Variants in MYO5B observed in about 807,000 individuals in gnomAD.
MYO5B encodes the protein myosin VB, also known as unconventional myosin-Vb.
Under a neutral mutation model 229.3 loss-of-function variants are expected in MYO5B, and 143 were observed. The ratio of observed to expected loss-of-function variants is 0.62; its 90% CI spans 0.54 to 0.72. The LOEUF (loss-of-function observed/expected upper bound fraction) is 0.72, where lower values mean the gene tolerates loss of function less well. MYO5B is among the 30% of genes least tolerant of loss of function. MYO5B has a pLI of 0.00. For missense variants in MYO5B, 2,321 were observed against 2,331.0 expected (o/e 1.00, Z 0.09); for synonymous variants, 918 against 885.2 (o/e 1.04, Z -0.66).
At chr18:50,096,573 G>A (rs1235424049) in intron 1 of MYO5B, among the ~76,000 whole-genome samples, 1 of 152,096 alleles carries the variant, frequency 6.6e-6, no homozygotes, top group Non-Finnish European at 1.5e-5. Context: ...TTCTTAGTCT[G>A]TATTGAAAGC....
rs543417892 is a variant in MYO5B, at chr18:50,016,884, C to T, written c.456-15473G>A. On this transcript the variant is annotated intron_variant, in intron 4 of 39. Coordinates refer to ENST00000285039, the MANE Select transcript of MYO5B (RefSeq NM_001080467.3). ...CCCTATACCAAATCTGTCCTTCTTC[C>T]TATGCTACCCCATCCCTAACTAACC... is the stretch of plus-strand genomic sequence containing the variant. Among the ~76,000 whole-genome samples, 4 of 151,702 alleles carry T rather than the reference C, an allele frequency of 2.6e-5. No individual in the cohort carries two copies. In the South Asian group the frequency reaches 8.4e-4, roughly 32 times the overall value.
chr18:50,052,762 T>TATGA (rs1355943309), intron 2 of MYO5B, among the ~76,000 whole-genome samples: 26 of 151,286 alleles, frequency 1.7e-4, no homozygotes, highest in African/African-American at 5.8e-4. Context: ...CCACAATAGA[T>TATGA]ATGAATGAAT....
At chr18:50,125,505 C>T (rs1616331) in intron 1 of MYO5B, among the ~76,000 whole-genome samples, 124,137 of 151,532 alleles carry the variant, frequency 0.82, 51,154 homozygotes, top group Admixed American at 0.87. Flanking sequence ...ATGTAACCTA[C>T]AACTTAAAGT....
chr18:49,963,026 C>G lies in MYO5B; in HGVS notation c.1327G>C (p.Glu443Gln). 1 of 1,613,494 alleles carries G rather than the reference C, an allele frequency of 6.2e-7. No individual in the cohort carries two copies. The highest frequency in any genetic ancestry group is 8.5e-7 in the Non-Finnish European group (1 of 1,179,452). ...TCAAAGCTGTTTACCTCAAATGTCT[C>G]AAACCTACAGAATGGAAAGAGAAGA... ...FIGVLDIYGF[E>Q]TFEVNSFEQF... The change falls in exon 11 of 40, where the codon GAG becomes CAG. Residue 443 changes from glutamate to glutamine, a missense_variant. Glu to Gln is a conservative substitution (Grantham distance 29, BLOSUM62 2). Coordinates refer to ENST00000285039, the MANE Select transcript of MYO5B (RefSeq NM_001080467.3).
chr18:50,115,903 ACTT>A (rs2031954337), intron 1 of MYO5B, among the ~76,000 whole-genome samples: 4 of 152,070 alleles, frequency 2.6e-5, no homozygotes, highest in African/African-American at 9.7e-5. Flanking sequence ...CTTGCCTTCT[ACTT>A]TTAAACGAAC....
intron 14 of MYO5B, among the ~76,000 whole-genome samples, chr18:49,939,172 A>ACCT (rs2025286212): frequency 7.3e-6 from 1 of 136,672 alleles, no homozygotes; most frequent in Non-Finnish European, 1.5e-5. Flanking sequence ...TTTTTGAAAC[A>ACCT]GTCTCGCTCT....
At chr18:49,963,220 A>G (rs192464578) in intron 10 of MYO5B, among the ~76,000 whole-genome samples, 190 bp from the exon 11 acceptor site, 1 of 152,224 alleles carries the variant, frequency 6.6e-6, no homozygotes. Context: ...GAACATGTCT[A>G]TTTTCAAAAC....
At chr18:50,111,431 A>G (rs2031862473) in intron 1 of MYO5B, among the ~76,000 whole-genome samples, 1 of 152,250 alleles carries the variant, frequency 6.6e-6, no homozygotes, top group South Asian at 2.1e-4. Context: ...AATTTAAACT[A>G]GTAGGCAGAA....
At chr18:50,162,662 A>C (rs973223711) in intron 1 of MYO5B, among the ~76,000 whole-genome samples, 1 of 152,232 alleles carries the variant, frequency 6.6e-6, no homozygotes, top group South Asian at 2.1e-4. Context: ...CCACTAATGC[A>C]CATTTCTTCA....
chr18:50,115,570 AC>A (rs2031947256), intron 1 of MYO5B, among the ~76,000 whole-genome samples: 2 of 151,838 alleles, frequency 1.3e-5, no homozygotes, highest in African/African-American at 4.8e-5. Context: ...ACACACACAC[AC>A]ACACACACAC....
intron 1 of MYO5B, among the ~76,000 whole-genome samples, chr18:50,070,613 A>C (rs558409258): frequency 2.8e-4 from 42 of 152,236 alleles, no homozygotes; most frequent in African/African-American, 1.0e-3. Flanking sequence ...TTAATGCCAC[A>C]GTTGAGAAAT....
chr18:49,914,211 T>G (rs2024988152), intron 17 of MYO5B, among the ~76,000 whole-genome samples: 1 of 152,162 alleles, frequency 6.6e-6, no homozygotes. Context: ...TAGATGCTGC[T>G]GTGGGGCTAG....
chr18:49,910,009 T>C (rs2024940098), intron 18 of MYO5B, among the ~76,000 whole-genome samples: 1 of 152,148 alleles, frequency 6.6e-6, no homozygotes, highest in Admixed American at 6.5e-5. Flanking sequence ...ATCTGGAACA[T>C]AGGTCAGCAT....
chr18:50,124,372 T>C (rs1299169870), intron 1 of MYO5B, among the ~76,000 whole-genome samples: 3 of 152,026 alleles, frequency 2.0e-5, no homozygotes, highest in African/African-American at 7.3e-5. Context: ...CAAAGGGGAG[T>C]TGGTACACCT....
chr18:49,921,849 CT>C (rs2025079644), intron 17 of MYO5B, among the ~76,000 whole-genome samples: 4 of 152,222 alleles, frequency 2.6e-5, no homozygotes, highest in African/African-American at 9.6e-5. Context: ...GACGCATTTT[CT>C]TTTCCTTTGC....
rs570921505 is a variant in MYO5B at position 49,937,200 on chromosome 18, C to A, written c.1905+45G>T. 2.5e-6 allele frequency: 4 copies of A among 1,610,924 alleles called. No individual in the cohort carries two copies. In the African/African-American group the frequency reaches 5.3e-5, roughly 21 times the overall value. The stretch of plus-strand genomic sequence containing the variant: ...CATCCTTCATCTACAGAGAGGCCAG[C>A]CCTGCACATGCACCTCAGCCCATAG... On this transcript the variant is annotated intron_variant, in intron 15 of 39. Coordinates refer to ENST00000285039, the MANE Select transcript of MYO5B (RefSeq NM_001080467.3).
chr18:50,042,244 T>C (rs995644590), intron 2 of MYO5B, among the ~76,000 whole-genome samples: 5 of 151,930 alleles, frequency 3.3e-5, no homozygotes, highest in African/African-American at 4.8e-5. Flanking sequence ...AAGCTATAGA[T>C]AGTGAAAGAA....
At chr18:50,122,525 C>T (rs1352588797) in intron 1 of MYO5B, among the ~76,000 whole-genome samples, 4 of 134,838 alleles carry the variant, frequency 3.0e-5, no homozygotes, top group Non-Finnish European at 6.4e-5. Flanking sequence ...GCAGGAGAAT[C>T]CCTTAAACCT....
chr18:49,953,110 G>C, intron 14 of MYO5B, 150 bp downstream of exon 14: 1 of 726,090 alleles, frequency 1.4e-6, no homozygotes, highest in Non-Finnish European at 2.5e-6. Flanking sequence ...CCATTCAACT[G>C]TTTTCATACC....
Sources: gnomAD v4.1 joint callset for allele counts (sites outside exome capture counted in the v4.1 genomes callset) on GRCh38, gnomAD v4.1.1 for gene constraint, MANE v1.5 for transcripts, NCBI Gene and HGNC (gene_info 2026-07-23, HGNC 2026-07-21) for gene names.